RPS6KC1: variants seen among roughly 807,000 people sequenced by gnomAD.
RPS6KC1 encodes the protein inactive ribosomal protein S6 kinase delta-1.
A neutral mutation model predicts 103.8 loss-of-function variants in RPS6KC1; 54 were observed. That is an observed-to-expected ratio of 0.52 (90% CI 0.42 to 0.65). RPS6KC1 has a LOEUF of 0.65. Among genes scored for constraint, RPS6KC1 ranks in the 30% least tolerant of loss-of-function variants. RPS6KC1 has a pLI of 0.00. For synonymous variants in RPS6KC1, 439 were observed against 438.7 expected (o/e 1.00, Z -0.01); for missense variants, 1,151 against 1,253.8 (o/e 0.92, Z 1.24).
the RPS6KC1 span, among the ~76,000 whole-genome samples, chr1:213,595,730 G>A: frequency 6.6e-6 from 1 of 152,250 alleles, no homozygotes; most frequent in Non-Finnish European, 1.5e-5. Context: ...AGTGAAGCTA[G>A]TGTTCAACAG....
chr1:213,482,214 A>G, the RPS6KC1 span, among the ~76,000 whole-genome samples: 2 of 152,190 alleles, frequency 1.3e-5, no homozygotes, highest in Non-Finnish European at 2.9e-5. Context: ...AGACTAATAC[A>G]ACCATCTTGC....
chr1:213,259,151 TTTTC>T (rs2094720421), intron 12 of RPS6KC1, among the ~76,000 whole-genome samples: 1 of 152,190 alleles, frequency 6.6e-6, no homozygotes, highest in Non-Finnish European at 1.5e-5. Context: ...TTTACGTAGT[TTTTC>T]TTCCCTGCTC....
the RPS6KC1 span, among the ~76,000 whole-genome samples, chr1:213,391,505 A>T: frequency 6.6e-6 from 1 of 152,148 alleles, no homozygotes; most frequent in South Asian, 2.1e-4. Context: ...TGATTGACAC[A>T]TTGGAATAAT....
At chr1:213,731,985 G>T in the RPS6KC1 span, among the ~76,000 whole-genome samples, 3 of 152,088 alleles carry the variant, frequency 2.0e-5, no homozygotes, top group Non-Finnish European at 4.4e-5. Context: ...TCATACACAT[G>T]TGCCTAAGAA....
intron 6 of RPS6KC1, among the ~76,000 whole-genome samples, chr1:213,159,564 G>C (rs1052386340): frequency 6.6e-6 from 1 of 152,192 alleles, no homozygotes; most frequent in African/African-American, 2.4e-5. Flanking sequence ...AGTTTGGCTT[G>C]ACACATTAAT....
intron 12 of RPS6KC1, among the ~76,000 whole-genome samples, chr1:213,246,715 A>C (rs889745652): frequency 1.3e-5 from 2 of 152,064 alleles, no homozygotes; most frequent in African/African-American, 2.4e-5. Context: ...CTTATCATTC[A>C]AAAACAGCTA....
chr1:213,168,330 A>G (rs1248081997), intron 7 of RPS6KC1, among the ~76,000 whole-genome samples: 1 of 152,146 alleles, frequency 6.6e-6, no homozygotes, highest in African/African-American at 2.4e-5. Flanking sequence ...TCATGTTAAA[A>G]CTATTCATTT....
chr1:213,856,390 C>T, the RPS6KC1 span, among the ~76,000 whole-genome samples: 2 of 152,042 alleles, frequency 1.3e-5, no homozygotes, highest in East Asian at 1.9e-4. Flanking sequence ...GTCTATACCA[C>T]CAAATTAGTT....
At chr1:213,381,833 C>T in the RPS6KC1 span, among the ~76,000 whole-genome samples, 1 of 152,166 alleles carries the variant, frequency 6.6e-6, no homozygotes, top group Admixed American at 6.5e-5. Context: ...GTGGGCGAGT[C>T]GCCGCCCCAG....
chr1:213,363,608 TGCTTGCTTG>T, the RPS6KC1 span, among the ~76,000 whole-genome samples: 3 of 67,698 alleles, frequency 4.4e-5, no homozygotes, highest in African/African-American at 2.2e-4. Flanking sequence ...CTCGCTCGCT[TGCTTGCTTG>T]CTTGCTTGCT....
the RPS6KC1 span, among the ~76,000 whole-genome samples, chr1:213,742,184 T>G: frequency 6.6e-6 from 1 of 152,142 alleles, no homozygotes; most frequent in Non-Finnish European, 1.5e-5. Flanking sequence ...GAAATTAACT[T>G]TTTAAAAATT....
chr1:213,426,566 A>G, the RPS6KC1 span, among the ~76,000 whole-genome samples: 1 of 152,226 alleles, frequency 6.6e-6, no homozygotes, highest in Non-Finnish European at 1.5e-5. Flanking sequence ...AACTGGACAC[A>G]TATGGTTCGG....
At chr1:213,253,534 C>T (rs935865685) in intron 12 of RPS6KC1, among the ~76,000 whole-genome samples, 3 of 152,130 alleles carry the variant, frequency 2.0e-5, no homozygotes, top group Non-Finnish European at 2.9e-5. Flanking sequence ...GTTTAACTTG[C>T]AGTTTCTAGT....
chr1:213,161,997 A>T lies in RPS6KC1; in HGVS notation c.836-5861A>T, dbSNP rs371356721. On this transcript the variant is annotated intron_variant, in intron 6 of 14. Transcript: ENST00000366960. ...GGGGGTCAGGAGACTTTCCATGTTTACCAGATTAAAAACTCATAATTTATG... is the reference window on the plus strand; with the variant it reads ...GGGGGTCAGGAGACTTTCCATGTTTTCCAGATTAAAAACTCATAATTTATG... Among the ~76,000 whole-genome samples the T allele has an allele frequency of 2.2e-3, 334 of 152,314 alleles. 1 individual carries two copies. The highest frequency in any genetic ancestry group is 2.9e-3 in the Non-Finnish European group (199 of 68,012).
intron 6 of RPS6KC1, among the ~76,000 whole-genome samples, chr1:213,139,767 TG>T (rs1399978614): frequency 6.6e-6 from 1 of 152,026 alleles, no homozygotes; most frequent in African/African-American, 2.4e-5. Context: ...TATTTGAAGT[TG>T]GGTAGTGTGA....
At chr1:213,106,610 T>C (rs1409866987) in intron 4 of RPS6KC1, among the ~76,000 whole-genome samples, 1 of 152,212 alleles carries the variant, frequency 6.6e-6, no homozygotes, top group Non-Finnish European at 1.5e-5. Flanking sequence ...CAGGGTGTGC[T>C]ATAGTATCAT....
At chr1:213,413,932 G>T in the RPS6KC1 span, among the ~76,000 whole-genome samples, 1 of 152,164 alleles carries the variant, frequency 6.6e-6, no homozygotes, top group Non-Finnish European at 1.5e-5. Flanking sequence ...GACCACAGGG[G>T]AAGCTAAAAA....
chr1:213,791,334 C>G, the RPS6KC1 span, among the ~76,000 whole-genome samples: 2 of 152,042 alleles, frequency 1.3e-5, no homozygotes, highest in Non-Finnish European at 2.9e-5. Context: ...GGGAAGATCT[C>G]GAGCAGAAAA....
At chr1:213,165,715 G>A (rs934622322) in intron 6 of RPS6KC1, among the ~76,000 whole-genome samples, 21 of 151,998 alleles carry the variant, frequency 1.4e-4, no homozygotes, top group Admixed American at 4.6e-4. Flanking sequence ...GAGCCACCGC[G>A]CCCGGCCAGT....
Sources: allele counts gnomAD v4.1 joint callset (sites outside exome capture counted in the v4.1 genomes callset), GRCh38; gene constraint gnomAD v4.1.1; transcripts MANE v1.5; gene names NCBI Gene and HGNC (gene_info 2026-07-23, HGNC 2026-07-21).